The following PKN2 variants were observed in gnomAD, a reference collection of about 807,000 sequenced individuals.
The protein encoded by PKN2 is serine/threonine-protein kinase N2.
PKN2 carries 38 observed loss-of-function variants against 119.1 expected under a neutral mutation model. That is an observed-to-expected ratio of 0.32 (90% CI 0.25 to 0.42). PKN2 has a LOEUF of 0.42. Among genes scored for constraint, PKN2 ranks in the 10% least tolerant of loss-of-function variants. The pLI, the probability that PKN2 is intolerant of heterozygous loss-of-function variation, is 1.00. For missense variants in PKN2, 850 were observed against 1,165.1 expected, an observed-to-expected ratio of 0.73 and a Z score of 3.94; for synonymous variants, 390 against 384.9, an observed-to-expected ratio of 1.01 and a Z score of -0.15.
At chr1:88,761,479 C>A (rs1669439573) in intron 3 of PKN2, among the ~76,000 whole-genome samples, 1 of 150,912 alleles carries the variant, frequency 6.6e-6, no homozygotes, top group Non-Finnish European at 1.5e-5. Flanking sequence ...ACTACTCACC[C>A]CAAATGAAAT....
chr1:88,762,705 A>G (rs1300649381), intron 3 of PKN2, among the ~76,000 whole-genome samples: 1 of 152,182 alleles, frequency 6.6e-6, no homozygotes, highest in Non-Finnish European at 1.5e-5. Flanking sequence ...AAAGTGTGTA[A>G]TAGTGATTTG....
intron 2 of PKN2, among the ~76,000 whole-genome samples, chr1:88,752,741 TTGTG>T (rs1414254844): frequency 5.9e-5 from 9 of 152,150 alleles, no homozygotes; most frequent in Non-Finnish European, 1.0e-4. Flanking sequence ...AGGTTAGTGA[TTGTG>T]TGGAATACCT....
At chr1:88,832,135 GCTT>G (rs1672752777) in intron 19 of PKN2, among the ~76,000 whole-genome samples, 1 of 151,864 alleles carries the variant, frequency 6.6e-6, no homozygotes. Context: ...GTTGGCAGCT[GCTT>G]CTTAATACAG....
At chr1:88,818,727 G>T (rs575566830) in intron 16 of PKN2, among the ~76,000 whole-genome samples, 1 of 151,288 alleles carries the variant, frequency 6.6e-6, no homozygotes, top group Non-Finnish European at 1.5e-5. Context: ...CCAAGACAAC[G>T]CTAAGCAAAA....
intron 1 of PKN2, among the ~76,000 whole-genome samples, chr1:88,703,215 G>C (rs1367281188): frequency 6.6e-6 from 1 of 151,878 alleles, no homozygotes; most frequent in Non-Finnish European, 1.5e-5. Context: ...TTTTTTTAAT[G>C]TATAGTGAGA....
intron 1 of PKN2, among the ~76,000 whole-genome samples, chr1:88,730,840 C>T (rs899425672): frequency 1.3e-5 from 2 of 152,164 alleles, no homozygotes; most frequent in East Asian, 3.9e-4. Context: ...TATAATAATT[C>T]CATTTCACAG....
At chr1:88,712,412 T>A (rs1000352429) in intron 1 of PKN2, among the ~76,000 whole-genome samples, 19 of 152,276 alleles carry the variant, frequency 1.2e-4, no homozygotes, top group African/African-American at 4.6e-4. Flanking sequence ...CTGATCAGAC[T>A]GTTTTAGGCC....
chr1:88,719,248 A>G (rs1196547188), intron 1 of PKN2, among the ~76,000 whole-genome samples: 1 of 152,178 alleles, frequency 6.6e-6, no homozygotes, highest in African/African-American at 2.4e-5. Context: ...TTCTATTTGC[A>G]AATATCTTTT....
At chr1:88,698,341 C>A (rs1246676358) in intron 1 of PKN2, among the ~76,000 whole-genome samples, 1 of 152,094 alleles carries the variant, frequency 6.6e-6, no homozygotes, top group Non-Finnish European at 1.5e-5. Context: ...CAAGGACCCC[C>A]CTGTACAATG....
intron 1 of PKN2, among the ~76,000 whole-genome samples, chr1:88,690,181 T>A (rs1470854740): frequency 6.6e-6 from 1 of 152,216 alleles, no homozygotes; most frequent in East Asian, 1.9e-4. Flanking sequence ...CTTTTAGACA[T>A]CATCTCTTTA....
rs140064199 is a variant in PKN2 at position 88,794,247 on chromosome 1, G to C, written c.1281+8034G>C. Among the ~76,000 whole-genome samples, 581 of 151,954 alleles carry C rather than the reference G, an allele frequency of 3.8e-3. 11 individuals carry two copies. The highest frequency in any genetic ancestry group is 0.032 in the East Asian group (164 of 5,166). On this transcript the variant is annotated intron_variant, in intron 8 of 21. Transcript: ENST00000370521. ...CCAGGCATGGTGGCACATGCCTGTA[G>C]TCCCAGCTACTTGGGAGGCTTAGGC...
Position 88,770,060 on chromosome 1 carries a change from A to C in PKN2, c.505-292A>C, listed in dbSNP as rs991257350. ...ATGTATGCATACCAAAACATCATGTACACTGCAAGTATATACAATAAAAAA... is the reference window on the plus strand; with the variant it reads ...ATGTATGCATACCAAAACATCATGTCCACTGCAAGTATATACAATAAAAAA... On this transcript the variant is annotated intron_variant, in intron 3 of 21. Transcript: ENST00000370521. 3.9e-5 allele frequency among the ~76,000 whole-genome samples: 6 copies of C among 152,252 alleles called. No individual in the cohort carries two copies. The East Asian group carries it at 1.2e-3, about 29-fold the overall frequency.
intron 2 of PKN2, among the ~76,000 whole-genome samples, chr1:88,759,393 A>T (rs1364804388): frequency 6.6e-6 from 1 of 152,184 alleles, no homozygotes; most frequent in East Asian, 1.9e-4. Flanking sequence ...CTGGTGTCAG[A>T]TAGTATCTCA....
At chr1:88,699,838 A>G (rs1666704323) in intron 1 of PKN2, among the ~76,000 whole-genome samples, 1 of 151,858 alleles carries the variant, frequency 6.6e-6, no homozygotes, top group South Asian at 2.1e-4. Context: ...GCTAGAATGC[A>G]GTGGCGCAAT....
At chr1:88,695,039 A>G (rs1666482476) in intron 1 of PKN2, among the ~76,000 whole-genome samples, 1 of 152,080 alleles carries the variant, frequency 6.6e-6, no homozygotes, top group Non-Finnish European at 1.5e-5. Context: ...AGGCAGGAGA[A>G]TGGCGTGAAC....
At chr1:88,822,310 A>G (rs1672326045) in intron 17 of PKN2, among the ~76,000 whole-genome samples, 1 of 152,100 alleles carries the variant, frequency 6.6e-6, no homozygotes, top group Non-Finnish European at 1.5e-5. Flanking sequence ...ATTGCAGAAA[A>G]CCTCTATAGA....
intron 1 of PKN2, among the ~76,000 whole-genome samples, chr1:88,714,755 A>G (rs1024229657): frequency 6.6e-6 from 1 of 151,990 alleles, no homozygotes; most frequent in African/African-American, 2.4e-5. Context: ...CTAATTGAAT[A>G]CCCTTTCTTT....
intron 1 of PKN2, among the ~76,000 whole-genome samples, chr1:88,738,738 TTTTC>T (rs1404195209): frequency 6.6e-6 from 1 of 152,252 alleles, no homozygotes; most frequent in Non-Finnish European, 1.5e-5. Flanking sequence ...TCATAAAGTG[TTTTC>T]TGATAAATGT....
intron 6 of PKN2, chr1:88,781,212 T>C: frequency 8.3e-7 from 1 of 1,198,194 alleles, no homozygotes; most frequent in Middle Eastern, 2.2e-4. Flanking sequence ...TTATTTGTGG[T>C]TCGTCTCATA....
Sources: gnomAD v4.1 joint callset for allele counts (sites outside exome capture counted in the v4.1 genomes callset) on GRCh38, gnomAD v4.1.1 for gene constraint, MANE v1.5 for transcripts, NCBI Gene and HGNC (gene_info 2026-07-23, HGNC 2026-07-21) for gene names.